Variants in STPG4 observed in about 807,000 individuals in gnomAD.
The protein encoded by STPG4 is protein STPG4.
In STPG4, 41 loss-of-function variants were observed where a neutral mutation model predicts 31.5. The observed-to-expected ratio is 1.30, with a 90% CI of 1.01 to 1.69. The LOEUF (loss-of-function observed/expected upper bound fraction) is 1.69. STPG4 is among the 40% of genes most tolerant of loss of function. The probability of loss-of-function intolerance (pLI) is 0.00; values close to 1 mark genes in which losing one functional copy is unlikely to be tolerated. For missense variants in STPG4, 375 were observed against 293.4 expected, an observed-to-expected ratio of 1.28 and a Z score of -2.03; for synonymous variants, 141 against 103.0, an observed-to-expected ratio of 1.37 and a Z score of -2.24.
At chr2:47,112,269 C>T (rs374066629) in intron 5 of STPG4, among the ~76,000 whole-genome samples, 3 of 152,110 alleles carry the variant, frequency 2.0e-5, no homozygotes, top group Admixed American at 6.5e-5. Flanking sequence ...CAGGTTCAAG[C>T]TATTCTTGGG....
At chr2:47,109,675 T>G (rs1685997809) in intron 5 of STPG4, among the ~76,000 whole-genome samples, 1 of 152,224 alleles carries the variant, frequency 6.6e-6, no homozygotes, top group Admixed American at 6.6e-5. Context: ...TGGGACCTAC[T>G]TAAATTATCT....
intron 5 of STPG4, among the ~76,000 whole-genome samples, chr2:47,126,742 G>C (rs1686374018): frequency 6.6e-6 from 1 of 151,988 alleles, no homozygotes; most frequent in Non-Finnish European, 1.5e-5. Flanking sequence ...TGGTTGTCTG[G>C]GAAAGTATTT....
intron 6 of STPG4, among the ~76,000 whole-genome samples, chr2:47,087,810 G>A (rs181506665): frequency 6.6e-6 from 1 of 152,016 alleles, no homozygotes; most frequent in Non-Finnish European, 1.5e-5. Context: ...TGTAGTGCGC[G>A]CTATCTCGGC....
chr2:47,087,474 G>A (rs958411602), intron 6 of STPG4, among the ~76,000 whole-genome samples: 6 of 152,192 alleles, frequency 3.9e-5, no homozygotes, highest in South Asian at 2.1e-4. Flanking sequence ...CTCCTATCCC[G>A]AGGAATGCCA....
At chr2:47,088,583 G>A (rs1365932886) in intron 6 of STPG4, among the ~76,000 whole-genome samples, 1 of 152,178 alleles carries the variant, frequency 6.6e-6, no homozygotes, top group Non-Finnish European at 1.5e-5. Flanking sequence ...CTAAGACAAA[G>A]AGGCTTGGAC....
intron 5 of STPG4, among the ~76,000 whole-genome samples, chr2:47,122,070 A>C (rs140742586): frequency 2.7e-4 from 41 of 152,284 alleles, no homozygotes; most frequent in Non-Finnish European, 5.3e-4. Context: ...AGAGCTTTCA[A>C]TCAGCCTTTT....
chr2:47,132,773 C>G (rs1043523899), intron 3 of STPG4, among the ~76,000 whole-genome samples: 68 of 152,090 alleles, frequency 4.5e-4, no homozygotes, highest in African/African-American at 1.5e-3. Flanking sequence ...TTCTTTCTCT[C>G]TCTCTCTCGC....
intron 5 of STPG4, among the ~76,000 whole-genome samples, chr2:47,090,615 A>G (rs1413249357): frequency 6.6e-6 from 1 of 152,152 alleles, no homozygotes; most frequent in Non-Finnish European, 1.5e-5. Flanking sequence ...GGTGAGCAGT[A>G]CCTGCCTCCC....
intron 5 of STPG4, among the ~76,000 whole-genome samples, chr2:47,113,983 G>A (rs148885673): frequency 0.027 from 4,011 of 151,058 alleles, 192 homozygotes; most frequent in African/African-American, 0.092. Context: ...GCAGTGAGCC[G>A]AGATCACTGC....
chr2:47,118,840 G>A (rs1001347987), intron 5 of STPG4, among the ~76,000 whole-genome samples: 1 of 152,242 alleles, frequency 6.6e-6, no homozygotes, highest in South Asian at 2.1e-4. Context: ...ACGGGTGGTA[G>A]TCAAGATCAT....
chr2:47,116,414 T>G (rs757427678), intron 5 of STPG4, among the ~76,000 whole-genome samples: 1 of 152,232 alleles, frequency 6.6e-6, no homozygotes, highest in Non-Finnish European at 1.5e-5. Flanking sequence ...GCTCATCTTA[T>G]AAGAATCGAC....
At chr2:47,121,146 G>C (rs1686265940) in intron 5 of STPG4, 1 of 154,376 alleles carries the variant, frequency 6.5e-6, no homozygotes, top group East Asian at 1.9e-4. Flanking sequence ...GTGGGGGTGG[G>C]GGTAGATCTG....
intron 3 of STPG4, 59 bp from the exon 4 acceptor site, chr2:47,130,319 A>G (rs58184321): frequency 0.76 from 1,025,132 of 1,345,256 alleles, 396,893 homozygotes; most frequent in East Asian, 0.92. Context: ...TCACTTCGTT[A>G]TCTGTCATTC....
Position 47,113,816 on chromosome 2 carries a change from C to T in STPG4, c.519+16125G>A, listed in dbSNP as rs182813037. On this transcript the variant is annotated intron_variant, in intron 5 of 6. Coordinates refer to ENST00000445927, the MANE Select transcript of STPG4 (RefSeq NM_001163561.2). ...TTGGGAGGCCGAGGCAGGTGGATCA[C>T]GAGGTCAAGAGATCAAGACCATCCT... Among the ~76,000 whole-genome samples, 156 of 152,004 alleles carry T rather than the reference C, an allele frequency of 1.0e-3. 1 individual carries two copies. The highest frequency in any genetic ancestry group is 3.9e-3 in the East Asian group (20 of 5,174).
At position 47,117,300 on chromosome 2, in the gene STPG4, T is replaced by C. The variant is rs112110403; in HGVS notation, c.519+12641A>G. Among the ~76,000 whole-genome samples the C allele has an allele frequency of 8.5e-4, 129 of 152,224 alleles. 1 individual carries two copies. Among genetic ancestry groups the C allele is most frequent in the African/African-American group, 2.9e-3 (121 of 41,546 alleles). On this transcript the variant is annotated intron_variant, in intron 5 of 6. Transcript: ENST00000445927. ...TCTCAGCTCACTGCAACCTCCTCCT[T>C]CTGGGTTCAAGTGATTCTCCTGCCT...
chr2:47,121,882 G>GTGTGTA (rs1323603055), intron 5 of STPG4, among the ~76,000 whole-genome samples: 2 of 99,846 alleles, frequency 2.0e-5, no homozygotes, highest in African/African-American at 6.6e-5. Flanking sequence ...GTGTGTGTGT[G>GTGTGTA]TGTGTGTAAT....
intron 1 of STPG4, 52 bp downstream of exon 1, chr2:47,155,119 G>T: frequency 6.5e-7 from 1 of 1,538,568 alleles, no homozygotes; most frequent in East Asian, 2.3e-5. Flanking sequence ...AAAGGGTAGT[G>T]GGCCTGGTGA....
chr2:47,143,013 T>A (rs1297602004), intron 3 of STPG4, among the ~76,000 whole-genome samples: 1 of 152,006 alleles, frequency 6.6e-6, no homozygotes, highest in Non-Finnish European at 1.5e-5. Context: ...AATTTTTTTG[T>A]ATTTTTAGTA....
At chr2:47,120,562 G>A (rs1174723928) in intron 5 of STPG4, among the ~76,000 whole-genome samples, 11 of 55,556 alleles carry the variant, frequency 2.0e-4, no homozygotes, top group Admixed American at 8.4e-4. Context: ...GCAAGACTCC[G>A]TCTCAAAAAA....
Sources: allele counts gnomAD v4.1 joint callset (sites outside exome capture counted in the v4.1 genomes callset), GRCh38; gene constraint gnomAD v4.1.1; transcripts MANE v1.5; gene names NCBI Gene and HGNC (gene_info 2026-07-23, HGNC 2026-07-21).